CFAP54: variants seen among roughly 807,000 people sequenced by gnomAD.
CFAP54 encodes the protein cilia- and flagella-associated protein 54.
A neutral mutation model predicts 370.4 loss-of-function variants in CFAP54; 290 were observed. The ratio of observed to expected loss-of-function variants is 0.78; its 90% CI spans 0.71 to 0.86. CFAP54 has a LOEUF of 0.86. CFAP54 is among the 40% of genes least tolerant of loss of function. The probability of loss-of-function intolerance (pLI) is 0.00; values close to 1 mark genes in which losing one functional copy is unlikely to be tolerated. For missense variants in CFAP54, 3,399 were observed against 3,528.7 expected (o/e 0.96, Z 0.93); for synonymous variants, 1,206 against 1,236.5 (o/e 0.98, Z 0.52).
At chr12:96,679,947 T>G (rs1957252407) in intron 40 of CFAP54, among the ~76,000 whole-genome samples, 195 bp downstream of exon 40, 1 of 152,238 alleles carries the variant, frequency 6.6e-6, no homozygotes, top group Non-Finnish European at 1.5e-5. Context: ...CTCACTCGCT[T>G]TTATGCTTTC....
chr12:96,668,491 T>G (rs1170454444), intron 39 of CFAP54, among the ~76,000 whole-genome samples: 3 of 152,082 alleles, frequency 2.0e-5, no homozygotes, highest in Admixed American at 2.0e-4. Flanking sequence ...GAACTCCCAT[T>G]TATAAAACCA....
intron 42 of CFAP54, among the ~76,000 whole-genome samples, chr12:96,686,363 A>T (rs1283014553): frequency 3.3e-5 from 5 of 152,134 alleles, no homozygotes; most frequent in African/African-American, 1.2e-4. Flanking sequence ...TCACAATCTG[A>T]GGTTACTGGG....
Position 96,658,082 on chromosome 12 carries a change from C to T in CFAP54, c.5301C>T (p.Ala1767=). Reference sequence around the variant, plus strand: ...AATGGGAAACACTAGTATCTCTTGCCATTCAGTTCAATACAGTTTCACAGT... The same window carrying T: ...AATGGGAAACACTAGTATCTCTTGCTATTCAGTTCAATACAGTTTCACAGT... ...VEKWETLVSL[A]IQFNTVSHER... The change falls in exon 37 of 68, where the codon GCC becomes GCT. Residue 1767 remains alanine, a synonymous_variant. Transcript: ENST00000524981. 1 of 1,613,194 alleles carries T rather than the reference C, an allele frequency of 6.2e-7. No individual in the cohort carries two copies. Among genetic ancestry groups the T allele is most frequent in the Non-Finnish European group, 8.5e-7 (1 of 1,179,574 alleles).
intron 62 of CFAP54, among the ~76,000 whole-genome samples, chr12:96,788,286 G>C (rs995008980): frequency 2.6e-5 from 4 of 152,140 alleles, no homozygotes; most frequent in Non-Finnish European, 5.9e-5. Flanking sequence ...ATACAGGGGA[G>C]GCAGGAGCAT....
rs1290811434 is a variant in CFAP54 at position 96,527,340 on chromosome 12, A to T, written c.1253A>T (p.Asp418Val). 1.0e-5 allele frequency: 16 copies of T among 1,535,894 alleles called. No individual in the cohort carries two copies. The highest frequency in any genetic ancestry group is 2.0e-5 in the Admixed American group (1 of 50,978). ...CTGGCTGTCTTGGAAGCTCTTTCTG[A>T]TTCAAATAGGCGAATACTGCAAACT... ...QFLAVLEALS[D>V]SNRRILQTGP... The change falls in exon 9 of 68, where the codon GAT (aspartate) becomes GTT (valine). Residue 418 changes from aspartate to valine, a missense_variant. Coordinates refer to ENST00000524981, the MANE Select transcript of CFAP54 (RefSeq NM_001306084.2).
Position 96,647,865 on chromosome 12 carries a change from C to T in CFAP54, c.4548-10C>T, listed in dbSNP as rs1223134932. 1 of 1,485,488 alleles carries T rather than the reference C, an allele frequency of 6.7e-7. No homozygotes were observed. Among genetic ancestry groups the T allele is most frequent in the South Asian group, 1.4e-5 (1 of 73,464 alleles). 92.0% of individuals were successfully genotyped at this position (1,485,488 alleles called of 1,614,324 possible). A position where few individuals can be genotyped will look rare whatever the true frequency, so the allele number is the denominator to read the frequency against. On this transcript the variant is annotated splice_polypyrimidine_tract_variant and intron_variant, in intron 33 of 67. Coordinates refer to ENST00000524981, the MANE Select transcript of CFAP54 (RefSeq NM_001306084.2). ...TATTGTTTTTTAATATGATTTTTCC[C>T]CCCTTGCAGTTTCCGATCATGTGAT...
At position 96,753,837 on chromosome 12, in the gene CFAP54, G is replaced by C; in HGVS notation, c.7779G>C (p.Lys2593Asn). The C allele has an allele frequency of 6.2e-7, 1 of 1,614,028 alleles. No homozygotes were observed. Among genetic ancestry groups the C allele is most frequent in the Non-Finnish European group, 8.5e-7 (1 of 1,179,938 alleles). ...TTCATCTGTTTGATGTGGCACTGAA[G>C]CTCTGTAGAACAACAGCAGTGGAGG... ...PALHLFDVALKLCRTTAVEEH... is the reference protein window; with the variant it reads ...PALHLFDVALNLCRTTAVEEH... Residue 2593 changes from lysine to asparagine, a missense_variant, in exon 56 of 68, where the codon AAG (lysine) becomes AAC (asparagine). Physicochemically the swap from Lys to Asn is moderately conservative, Grantham distance 94 (BLOSUM62 0). Transcript: ENST00000524981.
At chr12:96,529,219 G>A (rs1955414682) in intron 9 of CFAP54, among the ~76,000 whole-genome samples, 1 of 152,138 alleles carries the variant, frequency 6.6e-6, no homozygotes, top group Non-Finnish European at 1.5e-5. Context: ...GAAAGACTAT[G>A]TATTTTTTGT....
chr12:96,592,649 A>G lies in CFAP54; in HGVS notation c.3360+12A>G. ...TCCCATCTCAACAAGTAAGTGAATT[A>G]AAGTGACTAAAAACATGTCAGATTC... On this transcript the variant is annotated intron_variant, in intron 24 of 67. Transcript: ENST00000524981. 1.1e-6 allele frequency: 1 copy of G among 943,256 alleles called. No individual in the cohort carries two copies. The highest frequency in any genetic ancestry group is 1.4e-6 in the Non-Finnish European group (1 of 691,492). The allele number at this position is 943,256 out of a possible 1,614,324, so 58.4% of individuals were successfully genotyped here.
chr12:96,642,601 C>T (rs1956743808), intron 32 of CFAP54, among the ~76,000 whole-genome samples: 1 of 152,182 alleles, frequency 6.6e-6, no homozygotes, highest in South Asian at 2.1e-4. Flanking sequence ...AATTGTAACT[C>T]TTTTCCCTAA....
intron 19 of CFAP54, among the ~76,000 whole-genome samples, chr12:96,568,372 C>T (rs1955882639): frequency 2.0e-5 from 3 of 151,792 alleles, no homozygotes; most frequent in South Asian, 4.2e-4. Context: ...TTATGAGGAG[C>T]CCTCTAAAGA....
Position 96,580,144 on chromosome 12 carries a change from T to C in CFAP54, c.2797-453T>C, listed in dbSNP as rs373186313. Among the ~76,000 whole-genome samples, 16 of 152,048 alleles carry C rather than the reference T, an allele frequency of 1.1e-4. No individual in the cohort carries two copies. The South Asian group carries it at 1.7e-3, about 16-fold the overall frequency. ...TTGTCATACATTATCATGTAAAATATGAAAATCACTTGAGTGTTAATCTTT... is the reference window on the plus strand; with the variant it reads ...TTGTCATACATTATCATGTAAAATACGAAAATCACTTGAGTGTTAATCTTT... On this transcript the variant is annotated intron_variant, in intron 20 of 67. Transcript: ENST00000524981.
chr12:96,572,824 A>C lies in CFAP54; in HGVS notation c.2620-3761A>C. ...TCTGATTTTTAAATAAACTCCATAGATGATACTGATCAACAGCCCAGTTGA... is the reference window on the plus strand; with the variant it reads ...TCTGATTTTTAAATAAACTCCATAGCTGATACTGATCAACAGCCCAGTTGA... On this transcript the variant is annotated intron_variant, in intron 19 of 67. Transcript: ENST00000524981. 3.1e-6 allele frequency: 3 copies of C among 977,558 alleles called. No individual in the cohort carries two copies. In the South Asian group the frequency reaches 1.4e-4, roughly 46 times the overall value. 60.6% of individuals were successfully genotyped at this position (977,558 alleles called of 1,614,324 possible).
intron 26 of CFAP54, among the ~76,000 whole-genome samples, chr12:96,600,726 G>A (rs1207284221): frequency 6.6e-6 from 1 of 152,172 alleles, no homozygotes; most frequent in African/African-American, 2.4e-5. Flanking sequence ...TAGCATTTGT[G>A]AATGGGAGTT....
intron 25 of CFAP54, among the ~76,000 whole-genome samples, chr12:96,596,572 A>G (rs1565907943): frequency 6.6e-6 from 1 of 152,170 alleles, no homozygotes; most frequent in South Asian, 2.1e-4. Flanking sequence ...CAAAAAGTCC[A>G]GATTTATCAA....
chr12:96,718,622 G>C, intron 49 of CFAP54, 100 bp downstream of exon 49: 1 of 677,250 alleles, frequency 1.5e-6, no homozygotes, highest in Non-Finnish European at 2.5e-6. Context: ...GCTCTTGTGA[G>C]AGCAGTTACC....
At chr12:96,862,728 A>T (rs548154563) in intron 67 of CFAP54, among the ~76,000 whole-genome samples, 2 of 152,324 alleles carry the variant, frequency 1.3e-5, no homozygotes, top group African/African-American at 4.8e-5. Context: ...ATAAAGTTTG[A>T]TTCAAACAGA....
At chr12:96,564,805 A>G (rs1318479009) in intron 19 of CFAP54, 40 bp downstream of exon 19, 1 of 551,534 alleles carries the variant, frequency 1.8e-6, no homozygotes, top group African/African-American at 1.9e-5. Flanking sequence ...CTGACATAAA[A>G]TTTCTGTTAA....
intron 39 of CFAP54, among the ~76,000 whole-genome samples, chr12:96,678,653 T>C (rs1206265257): frequency 6.6e-6 from 1 of 152,186 alleles, no homozygotes; most frequent in Admixed American, 6.5e-5. Context: ...TATCTTCTCT[T>C]CCACAAGGTC....
Sources: allele counts gnomAD v4.1 joint callset (sites outside exome capture counted in the v4.1 genomes callset), GRCh38; gene constraint gnomAD v4.1.1; transcripts MANE v1.5; gene names NCBI Gene and HGNC (gene_info 2026-07-23, HGNC 2026-07-21).